MYO1D: variants seen among roughly 807,000 people sequenced by gnomAD.
MYO1D encodes the protein unconventional myosin-Id.
A neutral mutation model predicts 122.0 loss-of-function variants in MYO1D; 83 were observed. The ratio of observed to expected loss-of-function variants is 0.68; its 90% CI spans 0.57 to 0.82. The LOEUF (loss-of-function observed/expected upper bound fraction) is 0.82. MYO1D is among the 40% of genes least tolerant of loss of function. The pLI is 0.00. For missense variants in MYO1D, 1,157 were observed against 1,269.5 expected (o/e 0.91, Z 1.35); for synonymous variants, 464 against 446.9 (o/e 1.04, Z -0.48).
intron 21 of MYO1D, among the ~76,000 whole-genome samples, chr17:32,604,600 G>T (rs1388438761): frequency 1.3e-5 from 2 of 152,130 alleles, no homozygotes; most frequent in African/African-American, 4.8e-5. Context: ...GAAGTTCTCA[G>T]ATTATGCCAT....
chr17:32,562,432 T>A (rs966641426), intron 21 of MYO1D, among the ~76,000 whole-genome samples: 4 of 152,114 alleles, frequency 2.6e-5, no homozygotes, highest in African/African-American at 9.7e-5. Context: ...TCTTTACATA[T>A]AAAATTGTGC....
At chr17:32,736,091 C>A (rs865813873) in intron 14 of MYO1D, among the ~76,000 whole-genome samples, 8 of 150,268 alleles carry the variant, frequency 5.3e-5, no homozygotes, top group South Asian at 2.1e-4. Flanking sequence ...TCCTCTAGAA[C>A]CTCTCAGTCT....
intron 21 of MYO1D, chr17:32,505,479 C>G (rs1004705488): frequency 6.6e-6 from 1 of 152,238 alleles, no homozygotes; most frequent in Non-Finnish European, 1.5e-5. Flanking sequence ...TGGGGCTCAG[C>G]TCTGGGAAGT....
intron 1 of MYO1D, among the ~76,000 whole-genome samples, chr17:32,826,876 A>T (rs1371536992): frequency 6.6e-6 from 1 of 152,226 alleles, no homozygotes; most frequent in East Asian, 1.9e-4. Flanking sequence ...TTAAACTTTT[A>T]AAAAATGCTA....
intron 21 of MYO1D, among the ~76,000 whole-genome samples, chr17:32,559,676 G>A (rs1011632709): frequency 2.6e-5 from 4 of 152,152 alleles, no homozygotes; most frequent in Admixed American, 6.5e-5. Flanking sequence ...ATTAAACTCT[G>A]TTAAATTTAA....
chr17:32,823,421 T>C (rs2090693119), intron 1 of MYO1D, among the ~76,000 whole-genome samples: 2 of 152,154 alleles, frequency 1.3e-5, no homozygotes, highest in African/African-American at 2.4e-5. Context: ...ATAGTGAACT[T>C]TGGGTAACTT....
chr17:32,553,849 C>A (rs973779509), intron 21 of MYO1D, among the ~76,000 whole-genome samples: 12 of 152,226 alleles, frequency 7.9e-5, no homozygotes, highest in African/African-American at 2.7e-4. Context: ...AATCCACACT[C>A]CCCAGTACAG....
At chr17:32,630,208 C>G (rs974783989) in intron 20 of MYO1D, among the ~76,000 whole-genome samples, 1 of 152,170 alleles carries the variant, frequency 6.6e-6, no homozygotes, top group Non-Finnish European at 1.5e-5. Flanking sequence ...CCGGTAGCAA[C>G]AAGCACATCT....
chr17:32,834,439 G>C (rs2090802531), intron 1 of MYO1D, among the ~76,000 whole-genome samples: 1 of 152,158 alleles, frequency 6.6e-6, no homozygotes, highest in East Asian at 1.9e-4. Flanking sequence ...AGTTCTCCAA[G>C]CTAACAACAT....
intron 1 of MYO1D, among the ~76,000 whole-genome samples, chr17:32,858,606 C>G (rs1280033174): frequency 6.6e-6 from 1 of 152,158 alleles, no homozygotes; most frequent in African/African-American, 2.4e-5. Flanking sequence ...TCTCATTGCA[C>G]CTGATCACAT....
intron 1 of MYO1D, among the ~76,000 whole-genome samples, chr17:32,789,525 C>T (rs561443049): frequency 1.9e-4 from 29 of 152,256 alleles, no homozygotes; most frequent in African/African-American, 7.0e-4. Flanking sequence ...ATAAAAAACA[C>T]ACATCATTAC....
At chr17:32,842,886 C>CTTTTTTT (rs34927176) in intron 1 of MYO1D, among the ~76,000 whole-genome samples, 7 of 104,454 alleles carry the variant, frequency 6.7e-5, no homozygotes, top group Non-Finnish European at 9.4e-5. Context: ...CTATTTCTTT[C>CTTTTTTT]TTTTTTTTTT....
At chr17:32,691,553 C>A (rs1404235386) in intron 16 of MYO1D, among the ~76,000 whole-genome samples, 1 of 151,796 alleles carries the variant, frequency 6.6e-6, no homozygotes, top group Non-Finnish European at 1.5e-5. Flanking sequence ...ATTACAGGCG[C>A]CTGCCCCTAT....
chr17:32,726,307 C>G (rs1006291556), intron 14 of MYO1D, among the ~76,000 whole-genome samples: 1 of 152,022 alleles, frequency 6.6e-6, no homozygotes, highest in African/African-American at 2.4e-5. Flanking sequence ...GTAGTCCCAG[C>G]TACTTGGGAG....
intron 14 of MYO1D, among the ~76,000 whole-genome samples, chr17:32,735,507 G>A (rs574304712): frequency 2.6e-5 from 4 of 152,250 alleles, no homozygotes; most frequent in African/African-American, 9.6e-5. Context: ...AAAGGCATAT[G>A]TATTTCCTAT....
At chr17:32,694,231 C>T (rs7218146) in intron 16 of MYO1D, among the ~76,000 whole-genome samples, 2,261 of 152,284 alleles carry the variant, frequency 0.015, 45 homozygotes, top group African/African-American at 0.049. Context: ...GTTCAAAACA[C>T]TTTTATTTCC....
chr17:32,632,622 CACACAT>C (rs746706665), intron 20 of MYO1D: 12,891 of 114,612 alleles, frequency 0.11, 641 homozygotes, highest in Non-Finnish European at 0.16. Context: ...CACACACACA[CACACAT>C]ATATATATAT....
At chr17:32,681,560 C>T (rs2088917850) in intron 16 of MYO1D, among the ~76,000 whole-genome samples, 1 of 151,612 alleles carries the variant, frequency 6.6e-6, no homozygotes, top group Admixed American at 6.6e-5. Flanking sequence ...AGTTGAGCGG[C>T]TTTGAGTGGG....
chr17:32,773,786 T>G (rs1054908978), intron 4 of MYO1D, among the ~76,000 whole-genome samples: 1 of 152,106 alleles, frequency 6.6e-6, no homozygotes, highest in Admixed American at 6.6e-5. Flanking sequence ...AATTTCTCCA[T>G]CCTACAAGGT....
Sources: gnomAD v4.1 joint callset for allele counts (sites outside exome capture counted in the v4.1 genomes callset) on GRCh38, gnomAD v4.1.1 for gene constraint, MANE v1.5 for transcripts, NCBI Gene and HGNC (gene_info 2026-07-23, HGNC 2026-07-21) for gene names.